Variants in FAM168B observed in about 807,000 individuals in gnomAD.
FAM168B encodes the protein myelin-associated neurite-outgrowth inhibitor.
A neutral mutation model predicts 21.8 loss-of-function variants in FAM168B; 19 were observed. That is an observed-to-expected ratio of 0.87 (90% CI 0.61 to 1.28). FAM168B has a LOEUF of 1.28. Ranked by LOEUF, FAM168B falls within the 50% of genes most tolerant of loss-of-function variation. The pLI, the probability that FAM168B is intolerant of heterozygous loss-of-function variation, is 0.00. For missense variants in FAM168B, 233 were observed against 263.1 expected (o/e 0.89, Z 0.79); for synonymous variants, 126 against 104.8 (o/e 1.20, Z -1.24).
intron 2 of FAM168B, among the ~76,000 whole-genome samples, chr2:131,077,683 G>A (rs781364568): frequency 3.3e-5 from 5 of 152,238 alleles, no homozygotes; most frequent in South Asian, 2.1e-4. Flanking sequence ...ACAGAAGGCC[G>A]TGGCTGGAGG....
At chr2:131,056,513 A>G (rs1378701354) in intron 3 of FAM168B, among the ~76,000 whole-genome samples, 1 of 151,818 alleles carries the variant, frequency 6.6e-6, no homozygotes, top group Non-Finnish European at 1.5e-5. Context: ...AGATAAAGAG[A>G]CCCCATCTAG....
chr2:131,080,609 C>T lies in FAM168B; in HGVS notation c.70+1968G>A, dbSNP rs541598076. On this transcript the variant is annotated intron_variant, in intron 2 of 6. Coordinates refer to ENST00000389915, the MANE Select transcript of FAM168B (RefSeq NM_001009993.4). ...CTCCAGCCTGGGCAACAGGGCAAGA[C>T]GGTCTCAAAAAAATAAAAATAAAAG... Among the ~76,000 whole-genome samples the T allele has an allele frequency of 6.8e-5, 10 of 147,706 alleles. No homozygotes were observed. In the South Asian group the frequency reaches 8.6e-4, roughly 13 times the overall value.
At chr2:131,077,055 TGAG>T (rs1476946972) in intron 2 of FAM168B, among the ~76,000 whole-genome samples, 3 of 151,998 alleles carry the variant, frequency 2.0e-5, no homozygotes, top group Non-Finnish European at 4.4e-5. Context: ...GAACCCACCC[TGAG>T]GAGAATTCCC....
intron 2 of FAM168B, 94 bp downstream of exon 2, chr2:131,082,483 G>A (rs1031246386): frequency 1.2e-6 from 1 of 821,158 alleles, no homozygotes; most frequent in African/African-American, 1.8e-5. Context: ...AAGCCACTTT[G>A]AGCTGCGTTT....
chr2:131,058,288 A>T (rs1573756939), intron 3 of FAM168B, among the ~76,000 whole-genome samples: 2 of 152,196 alleles, frequency 1.3e-5, no homozygotes, highest in Admixed American at 1.3e-4. Context: ...TTTTCACCTA[A>T]ATACTGCACA....
chr2:131,060,882 C>T (rs984073675), intron 3 of FAM168B, among the ~76,000 whole-genome samples: 4 of 151,756 alleles, frequency 2.6e-5, no homozygotes, highest in African/African-American at 7.3e-5. Flanking sequence ...GACGGAGTCT[C>T]GCTCAGTTGC....
intron 2 of FAM168B, 76 bp from the exon 3 acceptor site, chr2:131,072,014 G>A (rs889210248): frequency 1.3e-5 from 17 of 1,310,890 alleles, no homozygotes; most frequent in Admixed American, 3.6e-5. Flanking sequence ...CAAAGCCATC[G>A]CTCTTACCTT....
At position 131,048,367 on chromosome 2, in the gene FAM168B, T is replaced by C. The variant is rs1402149557; in HGVS notation, c.*4098A>G. 4 of 1,293,708 alleles carry C rather than the reference T, an allele frequency of 3.1e-6. No homozygotes were observed. Among genetic ancestry groups the C allele is most frequent in the Non-Finnish European group, 4.1e-6 (4 of 980,912 alleles). The allele number at this position is 1,293,708 out of a possible 1,614,324, so 80.1% of individuals were successfully genotyped here. ...GCCTGTGGTGAGGAGGAGACACCTG[T>C]CATGCCAGTCCTGGGAGCACACCAC... On this transcript the variant is annotated 3_prime_UTR_variant, in exon 7 of 7. Coordinates refer to ENST00000389915, the MANE Select transcript of FAM168B (RefSeq NM_001009993.4).
chr2:131,067,298 G>C (rs1022029808), intron 3 of FAM168B, among the ~76,000 whole-genome samples: 1 of 152,142 alleles, frequency 6.6e-6, no homozygotes, highest in Non-Finnish European at 1.5e-5. Flanking sequence ...CTCATCACAA[G>C]GGTCTCGGAA....
chr2:131,092,116 T>C (rs573618081), intron 1 of FAM168B, among the ~76,000 whole-genome samples: 9 of 150,224 alleles, frequency 6.0e-5, no homozygotes, highest in Non-Finnish European at 1.2e-4. Context: ...TGCACTCCAG[T>C]CTGGGAAACA....
At chr2:131,090,785 G>C (rs1032417196) in intron 1 of FAM168B, among the ~76,000 whole-genome samples, 3 of 152,158 alleles carry the variant, frequency 2.0e-5, no homozygotes, top group East Asian at 3.9e-4. Context: ...CTGGAGGGCA[G>C]TGGCACAATC....
chr2:131,072,166 C>G (rs1240222751), intron 2 of FAM168B, among the ~76,000 whole-genome samples: 1 of 152,212 alleles, frequency 6.6e-6, no homozygotes, highest in East Asian at 1.9e-4. Context: ...TTTCATCGCC[C>G]AGGCTGGAGT....
At chr2:131,071,537 T>C (rs1464631359) in intron 3 of FAM168B, among the ~76,000 whole-genome samples, 2 of 152,222 alleles carry the variant, frequency 1.3e-5, no homozygotes, top group Non-Finnish European at 2.9e-5. Flanking sequence ...AACATTAACA[T>C]GGAAATTCCA....
At chr2:131,085,238 C>T (rs1693630160) in intron 1 of FAM168B, among the ~76,000 whole-genome samples, 1 of 152,042 alleles carries the variant, frequency 6.6e-6, no homozygotes, top group Non-Finnish European at 1.5e-5. Context: ...TCGCTTGAGG[C>T]CAGGAGTTCA....
chr2:131,070,851 G>A (rs1012044557), intron 3 of FAM168B, among the ~76,000 whole-genome samples: 13 of 152,206 alleles, frequency 8.5e-5, no homozygotes, highest in African/African-American at 2.2e-4. Flanking sequence ...ACTGAAAGTC[G>A]AGACTCTAGG....
chr2:131,074,997 C>T (rs1693063001), intron 2 of FAM168B, among the ~76,000 whole-genome samples: 1 of 152,172 alleles, frequency 6.6e-6, no homozygotes, highest in Non-Finnish European at 1.5e-5. Flanking sequence ...TCCCCCTCTA[C>T]CTCAGCAGAA....
intron 3 of FAM168B, among the ~76,000 whole-genome samples, chr2:131,058,593 AACCGTAAATAGAAAC>A (rs1356614856): frequency 6.6e-6 from 1 of 152,220 alleles, no homozygotes; most frequent in Non-Finnish European, 1.5e-5. Context: ...CCGCTATGTT[AACCGTAAATAGAAAC>A]ACTGCCAAAA....
At chr2:131,074,544 C>T (rs1234903547) in intron 2 of FAM168B, among the ~76,000 whole-genome samples, 3 of 152,198 alleles carry the variant, frequency 2.0e-5, no homozygotes, top group African/African-American at 7.2e-5. Context: ...ACACTTCCTT[C>T]ACCTGTAAAT....
intron 1 of FAM168B, among the ~76,000 whole-genome samples, chr2:131,086,782 AAGGCCGGGCGCGGTGGCTCACGCCTG>A (rs1693723203): frequency 6.8e-6 from 1 of 147,552 alleles, no homozygotes; most frequent in African/African-American, 2.7e-5. Flanking sequence ...TCACAAGAGA[AAGGCCGGGCGCGGTGGCTCACGCCTG>A]TAATCCCAGC....
Sources: allele counts gnomAD v4.1 joint callset (sites outside exome capture counted in the v4.1 genomes callset), GRCh38; gene constraint gnomAD v4.1.1; transcripts MANE v1.5; gene names NCBI Gene and HGNC (gene_info 2026-07-23, HGNC 2026-07-21).